SLC10A7: variants seen among roughly 807,000 people sequenced by gnomAD.
SLC10A7 encodes the protein solute carrier family 10 member 7, also known as sodium/bile acid cotransporter 7.
A neutral mutation model predicts 43.2 loss-of-function variants in SLC10A7; 29 were observed. That is an observed-to-expected ratio of 0.67 (90% CI 0.50 to 0.92). SLC10A7 has a LOEUF of 0.92. SLC10A7 is among the 40% of genes least tolerant of loss of function. The probability of loss-of-function intolerance (pLI) is 0.00; values close to 1 mark genes in which losing one functional copy is unlikely to be tolerated. For synonymous variants in SLC10A7, 152 were observed against 144.8 expected (o/e 1.05, Z -0.35); for missense variants, 295 against 403.2 (o/e 0.73, Z 2.30).
chr4:146,333,818 T>G (rs1317200866), intron 5 of SLC10A7, among the ~76,000 whole-genome samples: 1 of 151,656 alleles, frequency 6.6e-6, no homozygotes, highest in African/African-American at 2.4e-5. Context: ...TGTGGTTAGG[T>G]AAGAATCACT....
intron 6 of SLC10A7, among the ~76,000 whole-genome samples, chr4:146,310,232 AC>A (rs1731871228): frequency 6.6e-6 from 1 of 152,046 alleles, no homozygotes; most frequent in Non-Finnish European, 1.5e-5. Flanking sequence ...GTTGATGGTC[AC>A]TTAGGTTGAT....
chr4:146,461,240 A>G (rs976464700), intron 4 of SLC10A7, among the ~76,000 whole-genome samples: 3 of 152,060 alleles, frequency 2.0e-5, no homozygotes, highest in Non-Finnish European at 4.4e-5. Flanking sequence ...TACTAGAACT[A>G]GCACTTACAA....
chr4:146,388,775 A>C lies in SLC10A7; in HGVS notation c.435+54008T>G, dbSNP rs79612924. ...CTCTGTCAAAAAACAACAACAACAA[A>C]AAAAAAAACCCTAGAAGAAAACCTA... On this transcript the variant is annotated intron_variant, in intron 5 of 11. Coordinates refer to ENST00000335472, the MANE Select transcript of SLC10A7 (RefSeq NM_001029998.6). Among the ~76,000 whole-genome samples the C allele has an allele frequency of 4.5e-3, 663 of 148,750 alleles. 6 individuals are homozygous for C. The highest frequency in any genetic ancestry group is 0.02 in the East Asian group (104 of 5,166).
chr4:146,369,494 A>G (rs1736620291), intron 5 of SLC10A7, among the ~76,000 whole-genome samples: 1 of 152,172 alleles, frequency 6.6e-6, no homozygotes, highest in African/African-American at 2.4e-5. Flanking sequence ...GATAAAACAG[A>G]TGGATTATCT....
chr4:146,404,138 T>C (rs1483682643), intron 5 of SLC10A7, among the ~76,000 whole-genome samples: 1 of 152,118 alleles, frequency 6.6e-6, no homozygotes, highest in Non-Finnish European at 1.5e-5. Flanking sequence ...CACCTCAGCC[T>C]CCTGACTAAC....
intron 5 of SLC10A7, among the ~76,000 whole-genome samples, chr4:146,390,522 T>C (rs987483189): frequency 1.3e-5 from 2 of 152,102 alleles, no homozygotes; most frequent in African/African-American, 4.8e-5. Context: ...CCCAGCTACC[T>C]GCAGGGCTGA....
chr4:146,305,836 G>T, intron 7 of SLC10A7, 90 bp downstream of exon 7: 1 of 1,115,380 alleles, frequency 9.0e-7, no homozygotes, highest in South Asian at 1.6e-5. Context: ...TCCTCCCTCT[G>T]AATATCCTTT....
chr4:146,397,087 T>C (rs557391796), intron 5 of SLC10A7, among the ~76,000 whole-genome samples: 18 of 152,192 alleles, frequency 1.2e-4, no homozygotes, highest in Non-Finnish European at 2.1e-4. Context: ...CTTTCAAAGA[T>C]AAACTACAAT....
intron 7 of SLC10A7, among the ~76,000 whole-genome samples, chr4:146,296,675 T>A (rs1304094437): frequency 1.3e-5 from 2 of 152,240 alleles, no homozygotes; most frequent in Admixed American, 1.3e-4. Flanking sequence ...CTACATTTTC[T>A]AAGTAAACCC....
At chr4:146,374,619 TACACAC>T (rs59049339) in intron 5 of SLC10A7, among the ~76,000 whole-genome samples, 157 of 123,544 alleles carry the variant, frequency 1.3e-3, no homozygotes, top group Middle Eastern at 4.5e-3. Context: ...TATATACACA[TACACAC>T]ACACACACAC....
rs1727806244 is a variant in SLC10A7, at chr4:146,254,676, G to A, written c.*1815C>T. The A allele has an allele frequency of 6.6e-6, 1 of 152,184 alleles. No individual in the cohort carries two copies. Among genetic ancestry groups the A allele is most frequent in the South Asian group, 2.1e-4 (1 of 4,830 alleles). The allele number at this position is 152,184 out of a possible 1,614,324, so 9.4% of individuals were successfully genotyped here. Reference sequence around the variant, plus strand: ...TGGGGGCGGGGATCAGTATTTTAATGTTAGGGAGAAAGATTTTTATGATAG... The same window carrying A: ...TGGGGGCGGGGATCAGTATTTTAATATTAGGGAGAAAGATTTTTATGATAG... On this transcript the variant is annotated 3_prime_UTR_variant, in exon 12 of 12. Coordinates refer to ENST00000335472, the MANE Select transcript of SLC10A7 (RefSeq NM_001029998.6).
intron 10 of SLC10A7, among the ~76,000 whole-genome samples, chr4:146,279,975 GAAC>G (rs985707130): frequency 5.3e-5 from 8 of 152,078 alleles, no homozygotes; most frequent in African/African-American, 1.9e-4. Context: ...GCAAAAGCAA[GAAC>G]AATAAAATAA....
intron 5 of SLC10A7, among the ~76,000 whole-genome samples, chr4:146,335,637 A>G (rs1335237470): frequency 6.6e-6 from 1 of 152,086 alleles, no homozygotes. Context: ...ATCTAAACAT[A>G]TGAGTTATCA....
At chr4:146,453,238 A>C (rs1429786801) in intron 4 of SLC10A7, among the ~76,000 whole-genome samples, 1 of 151,982 alleles carries the variant, frequency 6.6e-6, no homozygotes, top group Non-Finnish European at 1.5e-5. Context: ...AAGGAAAAAA[A>C]TATATTCAAG....
chr4:146,256,333 G>T lies in SLC10A7; in HGVS notation c.*158C>A. The T allele has an allele frequency of 1.5e-6, 1 of 674,282 alleles. No homozygotes were observed. The highest frequency in any genetic ancestry group is 1.9e-5 in the South Asian group (1 of 51,854). The allele number at this position is 674,282 out of a possible 1,614,324, so 41.8% of individuals were successfully genotyped here. A position where few individuals can be genotyped will look rare whatever the true frequency, so the allele number is the denominator to read the frequency against. On this transcript the variant is annotated 3_prime_UTR_variant, in exon 12 of 12. Transcript: ENST00000335472. The stretch of plus-strand genomic sequence containing the variant: ...AGCATATTTTGGAAATAACGCTCTT[G>T]TCAAATACATTTTAAGGCACTTAAA...
At chr4:146,397,645 A>G (rs1738929694) in intron 5 of SLC10A7, among the ~76,000 whole-genome samples, 1 of 152,220 alleles carries the variant, frequency 6.6e-6, no homozygotes, top group Non-Finnish European at 1.5e-5. Context: ...GAGTGAGATC[A>G]TCCACACACA....
At chr4:146,271,988 T>G (rs1728927228) in intron 10 of SLC10A7, among the ~76,000 whole-genome samples, 1 of 152,176 alleles carries the variant, frequency 6.6e-6, no homozygotes, top group South Asian at 2.1e-4. Context: ...TCTCCATTGC[T>G]TACCACCATC....
chr4:146,415,709 T>C (rs901383540), intron 5 of SLC10A7, among the ~76,000 whole-genome samples: 7 of 152,218 alleles, frequency 4.6e-5, no homozygotes, highest in African/African-American at 1.7e-4. Flanking sequence ...AATGAATAGA[T>C]TAATTCATTC....
rs200841287 is a variant in SLC10A7 at position 146,451,020 on chromosome 4, GA to G, written c.397-8200del. On this transcript the variant is annotated intron_variant, in intron 4 of 11. Transcript: ENST00000335472. ...ACTGGATTTTTTACAATATACTAAA[GA>G]AAAAAAAAACCAGACAGATTAAAGA... Among the ~76,000 whole-genome samples, 29 of 141,574 alleles carry G rather than the reference GA, an allele frequency of 2.0e-4. No individual in the cohort carries two copies. The South Asian group carries it at 2.9e-3, about 14-fold the overall frequency. 92.9% of individuals were successfully genotyped at this position (141,574 alleles called of 152,430 possible).
Sources: allele counts gnomAD v4.1 joint callset (sites outside exome capture counted in the v4.1 genomes callset), GRCh38; gene constraint gnomAD v4.1.1; transcripts MANE v1.5; gene names NCBI Gene and HGNC (gene_info 2026-07-23, HGNC 2026-07-21).